Variants in KAT6A observed in about 807,000 individuals in gnomAD.
KAT6A encodes the protein histone acetyltransferase KAT6A.
In KAT6A, 9 loss-of-function variants were observed where a neutral mutation model predicts 198.4. The observed-to-expected ratio is 0.05, with a 90% CI of 0.03 to 0.08. The LOEUF (loss-of-function observed/expected upper bound fraction) is 0.08. Among genes scored for constraint, KAT6A ranks in the 10% least tolerant of loss-of-function variants. KAT6A has a pLI of 1.00. For synonymous variants in KAT6A, 890 were observed against 883.0 expected (o/e 1.01, Z -0.14); for missense variants, 2,077 against 2,509.9 (o/e 0.83, Z 3.69).
chr8:41,964,627 G>GA (rs61710510), intron 8 of KAT6A, among the ~76,000 whole-genome samples: 491 of 130,892 alleles, frequency 3.8e-3, no homozygotes, highest in South Asian at 0.012. Flanking sequence ...TCCAAAATCT[G>GA]AAAAAAAAAA....
At chr8:41,986,079 T>C (rs1324635851) in intron 3 of KAT6A, among the ~76,000 whole-genome samples, 59 of 152,316 alleles carry the variant, frequency 3.9e-4, no homozygotes, top group Non-Finnish European at 5.9e-5. Context: ...TAGCTGGGAC[T>C]ACAGGTGCGA....
chr8:42,013,835 G>A (rs1447239236), intron 2 of KAT6A, among the ~76,000 whole-genome samples: 1 of 152,148 alleles, frequency 6.6e-6, no homozygotes. Flanking sequence ...TAGTCAAGAG[G>A]GAAGTAAAAA....
intron 8 of KAT6A, among the ~76,000 whole-genome samples, chr8:41,962,775 T>A (rs1416647927): frequency 6.6e-6 from 1 of 152,154 alleles, no homozygotes; most frequent in Non-Finnish European, 1.5e-5. Flanking sequence ...TCTGTCCTTG[T>A]CATCTGCTAT....
chr8:42,003,769 T>C (rs930976685), intron 2 of KAT6A, among the ~76,000 whole-genome samples: 5 of 152,098 alleles, frequency 3.3e-5, no homozygotes, highest in African/African-American at 4.8e-5. Context: ...TGAGGTTAAA[T>C]AGATCATAAA....
intron 2 of KAT6A, among the ~76,000 whole-genome samples, chr8:42,044,841 T>C (rs1299100725): frequency 2.0e-5 from 3 of 152,232 alleles, no homozygotes; most frequent in African/African-American, 4.8e-5. Context: ...TCCTGACCTA[T>C]ACACCTTCCT....
chr8:42,012,888 A>G (rs1170533549), intron 2 of KAT6A, among the ~76,000 whole-genome samples: 1 of 152,204 alleles, frequency 6.6e-6, no homozygotes, highest in Admixed American at 6.5e-5. Context: ...AACAAAAAGG[A>G]ACAAACTATT....
rs186171649 is a variant in KAT6A, at chr8:42,032,772, G to A, written c.600+15606C>T. Among the ~76,000 whole-genome samples, 381 of 151,624 alleles carry A rather than the reference G, an allele frequency of 2.5e-3. 2 individuals carry two copies. Among genetic ancestry groups the A allele is most frequent in the Admixed American group, 5.4e-3 (82 of 15,234 alleles). On this transcript the variant is annotated intron_variant, in intron 2 of 16. Coordinates refer to ENST00000265713, the MANE Select transcript of KAT6A (RefSeq NM_006766.5). The stretch of plus-strand genomic sequence containing the variant: ...GCAAAAAGAGCCAATACACAGTGAG[G>A]CTAAAAAAGTGACAACAGTTGTGGC...
Position 42,031,960 on chromosome 8 carries a change from C to T in KAT6A, c.600+16418G>A, listed in dbSNP as rs567114660. On this transcript the variant is annotated intron_variant, in intron 2 of 16. Transcript: ENST00000265713. ...TTTTTTTTTTTTTGAGACGGAGTCT[C>T]ACTCTATCGCCCAGGCTAGAATGCA... 3.4e-4 allele frequency among the ~76,000 whole-genome samples: 51 copies of T among 148,852 alleles called. 1 individual carries two copies. The South Asian group carries it at 7.5e-3, about 22-fold the overall frequency.
chr8:41,975,368 A>C (rs2150885352), intron 7 of KAT6A, among the ~76,000 whole-genome samples: 1 of 152,260 alleles, frequency 6.6e-6, no homozygotes, highest in East Asian at 1.9e-4. Context: ...TTATCTACTA[A>C]ATGATGGAAC....
At chr8:41,968,904 A>C (rs1209643604) in intron 8 of KAT6A, among the ~76,000 whole-genome samples, 1 of 152,202 alleles carries the variant, frequency 6.6e-6, no homozygotes, top group Non-Finnish European at 1.5e-5. Flanking sequence ...TGCCTGCAAT[A>C]ATTTTTTAAA....
chr8:41,953,011 G>C (rs1822741284), intron 9 of KAT6A, among the ~76,000 whole-genome samples: 1 of 152,064 alleles, frequency 6.6e-6, no homozygotes, highest in African/African-American at 2.4e-5. Context: ...AATTTTACAA[G>C]TTCCTATCCT....
chr8:42,042,823 C>T (rs373012176), intron 2 of KAT6A, among the ~76,000 whole-genome samples: 5 of 152,184 alleles, frequency 3.3e-5, no homozygotes, highest in South Asian at 4.1e-4. Context: ...TTTTTCTGGG[C>T]TAGTAATACA....
Position 42,048,525 on chromosome 8 carries a change from G to A in KAT6A, c.453C>T (p.Ile151=), listed in dbSNP as rs145411341. ...GTCTGCCGTGGCCAATGGCACGTTT[G>A]ATAGCCAATCGTAACTGCTGGTGAA... ...SGFHQQLRLA[I]KRAIGHGRLL... The change falls in exon 2 of 17, where the codon ATC becomes ATT. Residue 151 remains isoleucine, a synonymous_variant. Transcript: ENST00000265713. 2 of 1,614,174 alleles carry A rather than the reference G, an allele frequency of 1.2e-6. No individual in the cohort carries two copies. Among genetic ancestry groups the A allele is most frequent in the African/African-American group, 1.3e-5 (1 of 75,036 alleles).
intron 8 of KAT6A, among the ~76,000 whole-genome samples, chr8:41,972,097 C>T (rs926786774): frequency 1.3e-5 from 2 of 152,094 alleles, no homozygotes; most frequent in African/African-American, 4.8e-5. Flanking sequence ...GAGTTCCCCT[C>T]TGCCTAAATT....
chr8:41,932,306 G>GCT lies in KAT6A; in HGVS notation c.5913_5914insAG (p.Pro1972SerfsTer6). ...CCTGTGTACATCATGTTCCCATGAG[G>GCT]GTTAGGCTGCATAGGCTGCTGGGTA... On this transcript the variant is annotated frameshift_variant, in exon 17 of 17. Transcript: ENST00000265713. LOFTEE classifies it high-confidence loss of function. 1 of 1,614,200 alleles carries GCT rather than the reference G, an allele frequency of 6.2e-7. No homozygotes were observed. The highest frequency in any genetic ancestry group is 1.6e-4 in the Middle Eastern group (1 of 6,062).
At position 41,947,156 on chromosome 8, in the gene KAT6A, G is replaced by T. The variant is rs565685427; in HGVS notation, c.1903-472C>A. Among the ~76,000 whole-genome samples, 61 of 152,282 alleles carry T rather than the reference G, an allele frequency of 4.0e-4. 1 individual carries two copies. Among genetic ancestry groups the T allele is most frequent in the South Asian group, 2.7e-3 (13 of 4,816 alleles). On this transcript the variant is annotated intron_variant, in intron 11 of 16. Transcript: ENST00000265713. ...TAGTCACTTTTATAATTTTATAAAT[G>T]AGTGAATATATTTTAAGTCACATCT...
At chr8:41,974,406 C>T (rs1346720223) in intron 8 of KAT6A, 3 of 216,532 alleles carry the variant, frequency 1.4e-5, no homozygotes, top group Non-Finnish European at 2.7e-5. Flanking sequence ...TCATGAGAAG[C>T]TTGTTTTTTG....
chr8:42,020,709 C>T (rs1217548463), intron 2 of KAT6A, among the ~76,000 whole-genome samples: 2 of 152,150 alleles, frequency 1.3e-5, no homozygotes, highest in African/African-American at 4.8e-5. Context: ...TTTTGTGCAG[C>T]ACTGTAATAC....
intron 2 of KAT6A, among the ~76,000 whole-genome samples, chr8:41,996,766 A>C (rs536942217): frequency 6.6e-6 from 1 of 152,230 alleles, no homozygotes; most frequent in Admixed American, 6.5e-5. Context: ...CTCAGTCTCC[A>C]AAACTATGAA....
Sources: allele counts gnomAD v4.1 joint callset (sites outside exome capture counted in the v4.1 genomes callset), GRCh38; gene constraint gnomAD v4.1.1; transcripts MANE v1.5; gene names NCBI Gene and HGNC (gene_info 2026-07-23, HGNC 2026-07-21).